The following SLFN12L variants were observed in gnomAD, a reference collection of about 807,000 sequenced individuals.
SLFN12L encodes the protein schlafen family member 12 like.
A neutral mutation model predicts 34.8 loss-of-function variants in SLFN12L; 34 were observed. That is an observed-to-expected ratio of 0.98 (90% CI 0.74 to 1.30). SLFN12L has a LOEUF of 1.30. Ranked by LOEUF, SLFN12L falls within the 50% of genes most tolerant of loss-of-function variation. The probability of loss-of-function intolerance (pLI) is 0.00; values close to 1 mark genes in which losing one functional copy is unlikely to be tolerated. For missense variants in SLFN12L, 703 were observed against 696.2 expected, an observed-to-expected ratio of 1.01 and a Z score of -0.11; for synonymous variants, 259 against 247.5, an observed-to-expected ratio of 1.05 and a Z score of -0.44.
chr17:35,508,886 T>A (rs1269760340), intron 2 of SLFN12L, among the ~76,000 whole-genome samples: 1 of 152,082 alleles, frequency 6.6e-6, no homozygotes, highest in Admixed American at 6.6e-5. Flanking sequence ...GCATTAAAAA[T>A]TAATATTAAG....
At chr17:35,515,046 G>A in intron 2 of SLFN12L, 1 of 570,196 alleles carries the variant, frequency 1.8e-6, no homozygotes, top group Non-Finnish European at 3.4e-6. Flanking sequence ...TCACTCCTCG[G>A]CCAGCTTCTG....
intron 1 of SLFN12L, among the ~76,000 whole-genome samples, chr17:35,532,178 G>T (rs2072417738): frequency 6.6e-6 from 1 of 152,172 alleles, no homozygotes; most frequent in Non-Finnish European, 1.5e-5. Flanking sequence ...GCGCACAGTG[G>T]CTCACGCCTG....
rs575925156 is a variant in SLFN12L at position 35,519,766 on chromosome 17, C to T, written c.86+2513G>A. 2.6e-5 allele frequency among the ~76,000 whole-genome samples: 4 copies of T among 152,260 alleles called. No homozygotes were observed. The South Asian group carries it at 8.3e-4, about 32-fold the overall frequency. The stretch of plus-strand genomic sequence containing the variant: ...CCCTGATATGATATGATGACAATTA[C>T]AGTTCATCCCTGTGGTCTTCCTCTT... On this transcript the variant is annotated intron_variant, in intron 2 of 4. Coordinates refer to ENST00000628453, the MANE Select transcript of SLFN12L (RefSeq NM_001363830.2).
At chr17:35,481,890 C>T (rs374305615) in intron 2 of SLFN12L, among the ~76,000 whole-genome samples, 5 of 152,108 alleles carry the variant, frequency 3.3e-5, no homozygotes, top group Non-Finnish European at 7.4e-5. Context: ...GATGGAGTTT[C>T]GCTCTTGTTG....
chr17:35,500,247 TAA>T (rs1233301009), intron 2 of SLFN12L: 5 of 152,270 alleles, frequency 3.3e-5, no homozygotes, highest in Non-Finnish European at 5.9e-5. Context: ...TTATGATGAG[TAA>T]AGAGTCTGAT....
At chr17:35,502,224 C>T (rs1204343717) in intron 2 of SLFN12L, among the ~76,000 whole-genome samples, 3 of 152,034 alleles carry the variant, frequency 2.0e-5, no homozygotes, top group Non-Finnish European at 4.4e-5. Context: ...ACTTTGTTGT[C>T]AGTGTAAACA....
chr17:35,511,616 C>T (rs1915650137), intron 2 of SLFN12L, among the ~76,000 whole-genome samples: 1 of 147,860 alleles, frequency 6.8e-6, no homozygotes, highest in Non-Finnish European at 1.5e-5. Context: ...CACACAGAGC[C>T]CCTATAGTCC....
chr17:35,485,596 A>G (rs1201931489), intron 2 of SLFN12L, among the ~76,000 whole-genome samples: 1 of 152,228 alleles, frequency 6.6e-6, no homozygotes, highest in East Asian at 1.9e-4. Context: ...TGCCCAGGGC[A>G]ATGTCTAGAA....
At chr17:35,496,205 C>CTGAACTG (rs1309291964) in intron 2 of SLFN12L, among the ~76,000 whole-genome samples, 2 of 152,016 alleles carry the variant, frequency 1.3e-5, no homozygotes, top group Non-Finnish European at 2.9e-5. Context: ...TTCCTCAGTC[C>CTGAACTG]AGGCACGGTG....
intron 2 of SLFN12L, among the ~76,000 whole-genome samples, chr17:35,507,363 G>T (rs1915496556): frequency 6.6e-6 from 1 of 152,156 alleles, no homozygotes; most frequent in Non-Finnish European, 1.5e-5. Flanking sequence ...AAATCATATG[G>T]TTACAAGCTA....
chr17:35,537,330 T>C (rs924012776), intron 1 of SLFN12L, among the ~76,000 whole-genome samples: 2 of 152,200 alleles, frequency 1.3e-5, no homozygotes, highest in Admixed American at 6.5e-5. Context: ...CCTACATCCC[T>C]GGCCTCAGCT....
At chr17:35,487,471 A>ACCCCCC (rs570622363) in intron 2 of SLFN12L, among the ~76,000 whole-genome samples, 2 of 149,516 alleles carry the variant, frequency 1.3e-5, no homozygotes, top group African/African-American at 4.9e-5. Context: ...CCCACGGACC[A>ACCCCCC]CCCCCCCCGG....
At chr17:35,487,817 C>T (rs1348650420) in intron 2 of SLFN12L, 1 of 1,461,038 alleles carries the variant, frequency 6.8e-7, no homozygotes, top group Admixed American at 2.0e-5. Context: ...GTGCGGCTAG[C>T]CCCTCGCTCA....
chr17:35,513,409 A>G (rs530063103), intron 2 of SLFN12L, among the ~76,000 whole-genome samples: 2 of 152,360 alleles, frequency 1.3e-5, no homozygotes, highest in South Asian at 4.1e-4. Flanking sequence ...AAGAGTTTGT[A>G]AGTAAACCAA....
In SLFN12L at chr17:35,517,348, C is replaced by T. The variant is rs903900297; in HGVS notation, c.86+4931G>A. 3.3e-5 allele frequency among the ~76,000 whole-genome samples: 5 copies of T among 152,022 alleles called. 1 individual carries two copies. Among genetic ancestry groups the T allele is most frequent in the South Asian group, 4.1e-4 (2 of 4,820 alleles). On this transcript the variant is annotated intron_variant, in intron 2 of 4. Transcript: ENST00000628453. ...ACCTAGGAATACAACTTACAAGGGA[C>T]GTGAAGGACCTCTTCAAGAACTACA...
At position 35,475,440 on chromosome 17, in the gene SLFN12L, T is replaced by A; in HGVS notation, c.1322A>T (p.Asn441Ile). The A allele has an allele frequency of 6.2e-7, 1 of 1,613,180 alleles. No homozygotes were observed. Among genetic ancestry groups the A allele is most frequent in the South Asian group, 1.1e-5 (1 of 90,834 alleles). ...ITCAPKTFCR[N>I]LFSQHEGLKQ... ...AAGTCCTTCATGTTGTGAGAACAGA[T>A]TTCTGCAGAAGGTTTTTGGAGCACA... The change falls in exon 5 of 5, where the codon AAT becomes ATT. Residue 441 changes from asparagine to isoleucine, a missense_variant. Asn to Ile is a moderately radical substitution (Grantham distance 149). Transcript: ENST00000628453.
At chr17:35,491,287 A>G (rs1023583212) in intron 2 of SLFN12L, 2 of 734,894 alleles carry the variant, frequency 2.7e-6, no homozygotes, top group Admixed American at 5.3e-5. Flanking sequence ...TTTTTAAATC[A>G]TGGAACCAGA....
intron 2 of SLFN12L, among the ~76,000 whole-genome samples, chr17:35,484,099 C>T (rs1307379524): frequency 1.3e-5 from 2 of 152,160 alleles, no homozygotes; most frequent in Non-Finnish European, 2.9e-5. Flanking sequence ...CCAGAGTAGT[C>T]ACCACTCCCC....
chr17:35,500,121 G>A lies in SLFN12L; in HGVS notation c.87-19926C>T, dbSNP rs1421814449. On this transcript the variant is annotated intron_variant, in intron 2 of 4. Coordinates refer to ENST00000628453, the MANE Select transcript of SLFN12L (RefSeq NM_001363830.2). ...AATGATAAGGATATCAAGAATATTC[G>A]GTGTGCTAAATTAAGCCATTGTTTT... The A allele has an allele frequency of 6.6e-5, 10 of 152,212 alleles. No homozygotes were observed. The East Asian group carries it at 1.2e-3, about 18-fold the overall frequency. The allele number at this position is 152,212 out of a possible 1,614,324, so 9.4% of individuals were successfully genotyped here. A position where few individuals can be genotyped will look rare whatever the true frequency, so the allele number is the denominator to read the frequency against.
Sources: gnomAD v4.1 joint callset for allele counts (sites outside exome capture counted in the v4.1 genomes callset) on GRCh38, gnomAD v4.1.1 for gene constraint, MANE v1.5 for transcripts, NCBI Gene and HGNC (gene_info 2026-07-23, HGNC 2026-07-21) for gene names.